FER1L6: variants seen among roughly 807,000 people sequenced by gnomAD.
FER1L6 encodes fer-1 like family member 6, also known as fer-1-like protein 6.
In FER1L6, 177 loss-of-function variants were observed where a neutral mutation model predicts 219.2. The observed-to-expected ratio is 0.81, with a 90% CI of 0.71 to 0.91. The LOEUF (loss-of-function observed/expected upper bound fraction) is 0.91. Among genes scored for constraint, FER1L6 ranks in the 40% least tolerant of loss-of-function variants. The pLI is 0.00. For synonymous variants in FER1L6, 768 were observed against 824.3 expected (o/e 0.93, Z 1.17); for missense variants, 2,153 against 2,259.9 (o/e 0.95, Z 0.96).
Position 124,045,618 on chromosome 8 carries a change from A to C in FER1L6, c.2590-149A>C, listed in dbSNP as rs1819691290. On this transcript the variant is annotated intron_variant, in intron 20 of 40. Transcript: ENST00000522917. ...ATTGTTTAGTACATAGTAGCTGCTC[A>C]GTTTACATAGTCACTTGAATATTGA... is the stretch of plus-strand genomic sequence containing the variant. 1.4e-5 allele frequency: 12 copies of C among 836,214 alleles called. 1 individual carries two copies. In the South Asian group the frequency reaches 1.8e-4, roughly 13 times the overall value. The allele number at this position is 836,214 out of a possible 1,614,324, so 51.8% of individuals were successfully genotyped here. A position where few individuals can be genotyped will look rare whatever the true frequency, so the allele number is the denominator to read the frequency against.
intron 1 of FER1L6, among the ~76,000 whole-genome samples, chr8:123,878,827 C>T (rs1385002171): frequency 1.3e-5 from 2 of 152,036 alleles, no homozygotes; most frequent in African/African-American, 2.4e-5. Flanking sequence ...AATAGAAAAG[C>T]AATATTTTTG....
intron 37 of FER1L6, among the ~76,000 whole-genome samples, chr8:124,098,893 A>G (rs1445450519): frequency 6.6e-6 from 1 of 152,150 alleles, no homozygotes; most frequent in African/African-American, 2.4e-5. Context: ...TATGCCACCA[A>G]AGCGACAGTG....
intron 18 of FER1L6, among the ~76,000 whole-genome samples, chr8:124,028,875 C>T (rs1173055140): frequency 6.6e-6 from 1 of 152,170 alleles, no homozygotes; most frequent in African/African-American, 2.4e-5. Context: ...ACCTATCAAC[C>T]TGTCATCTAG....
At position 124,003,310 on chromosome 8, in the gene FER1L6, A is replaced by C; in HGVS notation, c.1663A>C (p.Thr555Pro). The C allele has an allele frequency of 6.2e-7, 1 of 1,613,464 alleles. No individual in the cohort carries two copies. Among genetic ancestry groups the C allele is most frequent in the Non-Finnish European group, 8.5e-7 (1 of 1,179,934 alleles). ...HDVPIPMASTTHPEKPLVTEG... is the reference protein window; with the variant it reads ...HDVPIPMASTPHPEKPLVTEG... ...TGTTCCCATTCCTATGGCCTCCACC[A>C]CTCACCCGGAGAAGCCACTGGTGAC... Residue 555 changes from threonine (T) to proline (P), a missense_variant, in exon 13 of 41, where the codon ACT (threonine) becomes CCT (proline). By Grantham distance (38) the Thr-to-Pro change is conservative. Coordinates refer to ENST00000522917, the MANE Select transcript of FER1L6 (RefSeq NM_001039112.2).
chr8:123,909,420 C>T (rs753440955), intron 1 of FER1L6, among the ~76,000 whole-genome samples: 5 of 152,110 alleles, frequency 3.3e-5, no homozygotes, highest in Non-Finnish European at 7.4e-5. Context: ...TTCTAAAAGA[C>T]CTCTCTGGTT....
At chr8:124,003,109 G>A in intron 12 of FER1L6, 58 bp from the exon 13 acceptor site, 1 of 1,467,332 alleles carries the variant, frequency 6.8e-7, no homozygotes, top group Non-Finnish European at 9.4e-7. Context: ...TTTATGCCAA[G>A]CAGACTGATT....
chr8:123,902,440 A>G (rs1360053388), intron 1 of FER1L6, among the ~76,000 whole-genome samples: 1 of 152,102 alleles, frequency 6.6e-6, no homozygotes, highest in African/African-American at 2.4e-5. Context: ...GTTGCTGTCC[A>G]TCTCATTTCT....
At chr8:123,994,300 C>T (rs1308284090) in intron 12 of FER1L6, among the ~76,000 whole-genome samples, 2 of 152,122 alleles carry the variant, frequency 1.3e-5, no homozygotes, top group African/African-American at 2.4e-5. Context: ...GGGTCTGGGC[C>T]TGTCAAGTCC....
intron 1 of FER1L6, among the ~76,000 whole-genome samples, chr8:123,916,414 G>A (rs960437320): frequency 4.6e-5 from 7 of 152,290 alleles, no homozygotes; most frequent in Non-Finnish European, 8.8e-5. Context: ...AGCTTTTATG[G>A]TGTTGCCTCC....
intron 5 of FER1L6, among the ~76,000 whole-genome samples, chr8:123,966,770 G>A (rs1206628950): frequency 6.6e-6 from 1 of 152,152 alleles, no homozygotes; most frequent in Non-Finnish European, 1.5e-5. Context: ...TATCGTACAT[G>A]CTAAATTCTC....
At position 124,060,259 on chromosome 8, in the gene FER1L6, T is replaced by G. The variant is rs1401184434; in HGVS notation, c.2954T>G (p.Ile985Ser). Residue 985 changes from isoleucine to serine, a missense_variant, in exon 23 of 41, where the codon ATT becomes AGT. Physicochemically the swap from Ile to Ser is moderately radical, Grantham distance 142 (BLOSUM62 -2). Transcript: ENST00000522917. ...CAGATCTACCCGGTTCCTGCCAACATTCGGCCGGTGCTGAGCAAATACCGA... is the reference window on the plus strand; with the variant it reads ...CAGATCTACCCGGTTCCTGCCAACAGTCGGCCGGTGCTGAGCAAATACCGA... ...ITQIYPVPAN[I>S]RPVLSKYRVE... The G allele has an allele frequency of 8.7e-6, 14 of 1,614,032 alleles. No individual in the cohort carries two copies. In the African/African-American group the frequency reaches 1.2e-4, roughly 14 times the overall value.
At chr8:123,980,848 G>A in intron 11 of FER1L6, 37 bp downstream of exon 11, 1 of 1,534,046 alleles carries the variant, frequency 6.5e-7, no homozygotes, top group Non-Finnish European at 8.9e-7. Context: ...CTTTACCTAT[G>A]AGGTGAACCA....
intron 29 of FER1L6, 22 bp downstream of exon 29, chr8:124,069,497 T>C: frequency 6.5e-7 from 1 of 1,546,056 alleles, no homozygotes; most frequent in Non-Finnish European, 8.9e-7. Flanking sequence ...CACAGGCATC[T>C]CTGCCATGGA....
chr8:124,097,232 C>A (rs1474476910), intron 35 of FER1L6, 39 bp from the exon 36 acceptor site: 1 of 1,499,154 alleles, frequency 6.7e-7, no homozygotes. Flanking sequence ...CCCCTAGCCC[C>A]CTCCCAAAGC....
chr8:123,876,761 G>T (rs1817011236), intron 1 of FER1L6, among the ~76,000 whole-genome samples: 1 of 152,090 alleles, frequency 6.6e-6, no homozygotes, highest in African/African-American at 2.4e-5. Context: ...TGTCATAAGT[G>T]TATGTTTATG....
intron 20 of FER1L6, among the ~76,000 whole-genome samples, chr8:124,045,214 G>C (rs1819673823): frequency 1.3e-5 from 2 of 152,218 alleles, no homozygotes; most frequent in African/African-American, 2.4e-5. Flanking sequence ...ATAAAATGGG[G>C]ATAATATTAG....
At chr8:124,071,991 C>T (rs1367392744) in intron 31 of FER1L6, among the ~76,000 whole-genome samples, 1 of 152,198 alleles carries the variant, frequency 6.6e-6, no homozygotes, top group Non-Finnish European at 1.5e-5. Context: ...AGCTGTGTCT[C>T]CAACTACAGT....
chr8:124,040,063 A>G, intron 20 of FER1L6, 57 bp downstream of exon 20: 1 of 1,607,560 alleles, frequency 6.2e-7, no homozygotes, highest in Admixed American at 1.7e-5. Flanking sequence ...ACTGACCCAC[A>G]GAAGATCCCA....
At chr8:124,003,432 C>A in intron 13 of FER1L6, 85 bp downstream of exon 13, 14 of 333,284 alleles carry the variant, frequency 4.2e-5, no homozygotes, top group East Asian at 6.3e-5. Context: ...TTCAGTTCTT[C>A]ACTAAAATCA....
Sources: allele counts gnomAD v4.1 joint callset (sites outside exome capture counted in the v4.1 genomes callset), GRCh38; gene constraint gnomAD v4.1.1; transcripts MANE v1.5; gene names NCBI Gene and HGNC (gene_info 2026-07-23, HGNC 2026-07-21).